Variants in KCNT2 observed in about 807,000 individuals in gnomAD.
KCNT2 encodes potassium sodium-activated channel subfamily T member 2, also known as potassium channel subfamily T member 2.
KCNT2 carries 67 observed loss-of-function variants against 153.8 expected under a neutral mutation model. That is an observed-to-expected ratio of 0.44 (90% CI 0.36 to 0.53). The LOEUF is 0.53. Ranked by LOEUF, KCNT2 falls within the 20% of genes least tolerant of loss-of-function variation. The pLI is 0.00. For synonymous variants in KCNT2, 500 were observed against 458.8 expected (o/e 1.09, Z -1.15); for missense variants, 975 against 1,354.8 (o/e 0.72, Z 4.40).
intron 1 of KCNT2, among the ~76,000 whole-genome samples, chr1:196,564,738 C>T (rs1181341836): frequency 1.3e-5 from 2 of 151,854 alleles, no homozygotes; most frequent in Non-Finnish European, 3.0e-5. Context: ...GACAAGGACA[C>T]ACAATGGAGA....
intron 1 of KCNT2, among the ~76,000 whole-genome samples, chr1:196,528,952 T>G (rs1654594016): frequency 1.3e-5 from 2 of 152,122 alleles, no homozygotes; most frequent in Non-Finnish European, 2.9e-5. Flanking sequence ...CATATTTAAC[T>G]CCTGAATATG....
At chr1:196,239,146 C>A (rs543258712) in intron 26 of KCNT2, among the ~76,000 whole-genome samples, 79 of 151,854 alleles carry the variant, frequency 5.2e-4, no homozygotes, top group Non-Finnish European at 1.0e-3. Context: ...GCTTCATGAA[C>A]AACAGAATCT....
chr1:196,577,194 A>C (rs1200163085), intron 1 of KCNT2, among the ~76,000 whole-genome samples: 2 of 152,128 alleles, frequency 1.3e-5, no homozygotes, highest in African/African-American at 2.4e-5. Context: ...CAGATTTACT[A>C]CCCCATCCTA....
At chr1:196,350,801 T>A (rs12022708) in intron 14 of KCNT2, among the ~76,000 whole-genome samples, 9,466 of 152,212 alleles carry the variant, frequency 0.062, 589 homozygotes, top group East Asian at 0.34. Context: ...TGAATGGTAA[T>A]GCCTAGGTTT....
intron 1 of KCNT2, among the ~76,000 whole-genome samples, chr1:196,590,898 G>A (rs1663261843): frequency 6.6e-6 from 1 of 152,050 alleles, no homozygotes; most frequent in African/African-American, 2.4e-5. Context: ...GGAGGAGGTG[G>A]GTGGATCACT....
chr1:196,263,926 G>A (rs1478505197), intron 25 of KCNT2, among the ~76,000 whole-genome samples: 2 of 151,442 alleles, frequency 1.3e-5, no homozygotes, highest in Non-Finnish European at 2.9e-5. Context: ...TTGATGACTT[G>A]GTTTTACTGC....
intron 8 of KCNT2, among the ~76,000 whole-genome samples, chr1:196,461,801 G>C (rs1006632866): frequency 2.6e-5 from 4 of 151,634 alleles, no homozygotes; most frequent in Admixed American, 2.0e-4. Context: ...TTCCCATAGA[G>C]AGTGGGTCAG....
intron 27 of KCNT2, among the ~76,000 whole-genome samples, chr1:196,234,017 A>C (rs1386320496): frequency 2.0e-5 from 3 of 151,306 alleles, no homozygotes; most frequent in Admixed American, 6.6e-5. Context: ...GCTTAACAAG[A>C]CTTCATTGTA....
At chr1:196,312,784 C>T (rs546894146) in intron 21 of KCNT2, among the ~76,000 whole-genome samples, 1 of 151,736 alleles carries the variant, frequency 6.6e-6, no homozygotes, top group Non-Finnish European at 1.5e-5. Context: ...AGATACTATT[C>T]CCGCATGCAT....
intron 21 of KCNT2, among the ~76,000 whole-genome samples, chr1:196,307,250 T>G (rs1046698004): frequency 6.6e-6 from 1 of 152,116 alleles, no homozygotes; most frequent in Non-Finnish European, 1.5e-5. Context: ...TTATTACTAT[T>G]TTCTTAGTTT....
chr1:196,486,664 G>A (rs1428548265), intron 3 of KCNT2, among the ~76,000 whole-genome samples: 1 of 151,528 alleles, frequency 6.6e-6, no homozygotes, highest in Non-Finnish European at 1.5e-5. Context: ...TCATATGAAA[G>A]GATATGTTGC....
intron 16 of KCNT2, among the ~76,000 whole-genome samples, chr1:196,336,467 C>A (rs1665044862): frequency 6.6e-6 from 1 of 152,082 alleles, no homozygotes; most frequent in Non-Finnish European, 1.5e-5. Context: ...AGTTCCATGG[C>A]CTATAATTAT....
intron 8 of KCNT2, among the ~76,000 whole-genome samples, chr1:196,454,750 T>C (rs1676510711): frequency 1.3e-5 from 2 of 151,974 alleles, no homozygotes; most frequent in Non-Finnish European, 2.9e-5. Flanking sequence ...ACAAACAGCA[T>C]TTAAAAAATT....
chr1:196,348,700 G>A (rs1666349732), intron 14 of KCNT2, among the ~76,000 whole-genome samples: 1 of 151,992 alleles, frequency 6.6e-6, no homozygotes, highest in Non-Finnish European at 1.5e-5. Context: ...AAAACCAAAT[G>A]GAGTACAGAA....
At chr1:196,542,440 A>G (rs1656507191) in intron 1 of KCNT2, among the ~76,000 whole-genome samples, 1 of 152,156 alleles carries the variant, frequency 6.6e-6, no homozygotes, top group Non-Finnish European at 1.5e-5. Context: ...TTTCCAAAAG[A>G]TAGCTTACTG....
intron 16 of KCNT2, among the ~76,000 whole-genome samples, chr1:196,335,858 G>A (rs1664973501): frequency 6.6e-6 from 1 of 152,072 alleles, no homozygotes; most frequent in Admixed American, 6.6e-5. Context: ...TACCATGCTG[G>A]AACTTCAATT....
intron 1 of KCNT2, among the ~76,000 whole-genome samples, chr1:196,530,611 A>C (rs1654811385): frequency 6.6e-6 from 1 of 152,074 alleles, no homozygotes. Flanking sequence ...AGTTATTAGC[A>C]TTGCTGAAAT....
chr1:196,464,300 G>A (rs1677413382), intron 8 of KCNT2, among the ~76,000 whole-genome samples: 2 of 151,812 alleles, frequency 1.3e-5, no homozygotes, highest in Non-Finnish European at 2.9e-5. Context: ...ATCGATCTTA[G>A]AGGTTATTTT....
intron 1 of KCNT2, among the ~76,000 whole-genome samples, chr1:196,513,593 T>TA (rs1681815653): frequency 1.3e-5 from 2 of 152,206 alleles, no homozygotes; most frequent in South Asian, 4.1e-4. Context: ...ACTCTTACGT[T>TA]AACTAAGCTC....
Sources: allele counts gnomAD v4.1 joint callset (sites outside exome capture counted in the v4.1 genomes callset), GRCh38; gene constraint gnomAD v4.1.1; transcripts MANE v1.5; gene names NCBI Gene and HGNC (gene_info 2026-07-23, HGNC 2026-07-21).